Variants in SH2D4B observed in about 807,000 individuals in gnomAD.
The protein encoded by SH2D4B is SH2 domain-containing protein 4B.
SH2D4B carries 45 observed loss-of-function variants against 61.5 expected under a neutral mutation model. That is an observed-to-expected ratio of 0.73 (90% confidence interval 0.58 to 0.94). The LOEUF (loss-of-function observed/expected upper bound fraction) is 0.94, where lower values mean the gene tolerates loss of function less well. Ranked by LOEUF, SH2D4B falls within the 40% of genes least tolerant of loss-of-function variation. The pLI is 0.00. For missense variants in SH2D4B, 572 were observed against 574.2 expected (o/e 1.00, Z 0.04); for synonymous variants, 224 against 220.4 (o/e 1.02, Z -0.14).
At chr10:80,616,242 C>T (rs1182390041) in intron 6 of SH2D4B, among the ~76,000 whole-genome samples, 11 of 152,066 alleles carry the variant, frequency 7.2e-5, no homozygotes, top group Non-Finnish European at 1.2e-4. Context: ...TCATGGCAAG[C>T]GAGATTGCTA....
At chr10:80,604,721 A>G (rs534570127) in intron 5 of SH2D4B, among the ~76,000 whole-genome samples, 45 of 152,016 alleles carry the variant, frequency 3.0e-4, no homozygotes, top group Non-Finnish European at 3.2e-4. Context: ...GTATACTGAG[A>G]AATGGCTGAC....
intron 1 of SH2D4B, among the ~76,000 whole-genome samples, chr10:80,542,266 C>G (rs564888726): frequency 6.6e-6 from 1 of 152,204 alleles, no homozygotes; most frequent in African/African-American, 2.4e-5. Context: ...ACCCTGTGGA[C>G]TCCTCTCTGC....
At chr10:80,573,799 A>T (rs1193947350) in intron 3 of SH2D4B, among the ~76,000 whole-genome samples, 1 of 151,552 alleles carries the variant, frequency 6.6e-6, no homozygotes, top group Admixed American at 6.6e-5. Context: ...GGCTAATCTC[A>T]CCCATTTTTT....
intron 4 of SH2D4B, among the ~76,000 whole-genome samples, chr10:80,590,446 G>A (rs192161065): frequency 6.6e-6 from 1 of 152,148 alleles, no homozygotes; most frequent in Non-Finnish European, 1.5e-5. Context: ...AATCAGAAAG[G>A]CCTCAGATGT....
intron 2 of SH2D4B, among the ~76,000 whole-genome samples, chr10:80,571,157 G>A (rs528378787): frequency 6.6e-6 from 1 of 152,278 alleles, no homozygotes; most frequent in South Asian, 2.1e-4. Flanking sequence ...TTACAGGCAT[G>A]CACCACCATG....
intron 4 of SH2D4B, among the ~76,000 whole-genome samples, chr10:80,596,164 C>T (rs1015912281): frequency 5.9e-5 from 9 of 152,234 alleles, no homozygotes; most frequent in African/African-American, 1.4e-4. Context: ...AGCTCCTAGG[C>T]GATGCCTCAG....
intron 5 of SH2D4B, among the ~76,000 whole-genome samples, chr10:80,604,929 G>A (rs1842499798): frequency 6.6e-6 from 1 of 152,082 alleles, no homozygotes; most frequent in African/African-American, 2.4e-5. Flanking sequence ...AAGTAGCTGG[G>A]ACTATAGGTG....
intron 5 of SH2D4B, among the ~76,000 whole-genome samples, chr10:80,605,035 T>C (rs112659149): frequency 0.063 from 9,597 of 152,206 alleles, 1,039 homozygotes; most frequent in African/African-American, 0.22. Context: ...CCTTGTGATC[T>C]GCCCACCTCG....
At chr10:80,636,988 G>C (rs986250172) in intron 7 of SH2D4B, among the ~76,000 whole-genome samples, 2 of 152,192 alleles carry the variant, frequency 1.3e-5, no homozygotes, top group African/African-American at 4.8e-5. Flanking sequence ...AAGGGATCCA[G>C]TTTCAGCTTT....
intron 4 of SH2D4B, among the ~76,000 whole-genome samples, chr10:80,600,600 G>T (rs1194907522): frequency 2.0e-5 from 3 of 151,890 alleles, no homozygotes; most frequent in African/African-American, 7.3e-5. Context: ...AAGTAGGCAG[G>T]GCACTTCTCA....
chr10:80,542,443 G>T (rs552301172), intron 1 of SH2D4B, among the ~76,000 whole-genome samples: 45 of 149,642 alleles, frequency 3.0e-4, no homozygotes, highest in African/African-American at 1.0e-3. Context: ...TATTGCTCAG[G>T]CTGAAGTGCA....
At chr10:80,561,251 C>T (rs1285248022) in intron 1 of SH2D4B, among the ~76,000 whole-genome samples, 1 of 152,144 alleles carries the variant, frequency 6.6e-6, no homozygotes, top group Non-Finnish European at 1.5e-5. Context: ...AGAATTCATG[C>T]CAATGATAAA....
intron 3 of SH2D4B, among the ~76,000 whole-genome samples, chr10:80,579,756 A>C (rs1024264021): frequency 1.3e-5 from 2 of 152,136 alleles, no homozygotes; most frequent in Non-Finnish European, 2.9e-5. Context: ...CTCCTATACA[A>C]CTTTAGAAAC....
At chr10:80,562,270 C>G (rs1447302104) in intron 1 of SH2D4B, among the ~76,000 whole-genome samples, 1 of 152,166 alleles carries the variant, frequency 6.6e-6, no homozygotes, top group Admixed American at 6.5e-5. Context: ...AATAATACTC[C>G]ACTGTGTACA....
chr10:80,598,508 T>G (rs577889044), intron 4 of SH2D4B, among the ~76,000 whole-genome samples: 1 of 152,216 alleles, frequency 6.6e-6, no homozygotes, highest in African/African-American at 2.4e-5. Flanking sequence ...TGAGTTAAAC[T>G]CCAGAGCCTG....
chr10:80,588,773 A>G lies in SH2D4B; in HGVS notation c.639A>G (p.Glu213=), dbSNP rs751505272. 5.6e-6 allele frequency: 9 copies of G among 1,613,964 alleles called. No individual in the cohort carries two copies. In the Admixed American group the frequency reaches 1.5e-4, roughly 27 times the overall value. The change falls in exon 4 of 8, where the codon GAA becomes GAG. Residue 213 remains glutamate, a synonymous_variant. Coordinates refer to ENST00000646907, the MANE Select transcript of SH2D4B (RefSeq NM_001388272.1). ...AGAAAGAGGAGCGAGAGTGGGAAGA[A>G]CAGTGTGAGTAGAGCTTGTGCCTCA... is the stretch of plus-strand genomic sequence containing the variant. ...ASEKEEREWE[E]QLRRSKAADE...
intron 1 of SH2D4B, among the ~76,000 whole-genome samples, chr10:80,567,943 T>C (rs768516347): frequency 2.4e-4 from 36 of 152,208 alleles, no homozygotes; most frequent in African/African-American, 7.7e-4. Flanking sequence ...TTCGCTTCCA[T>C]GTCCCAGTAA....
intron 5 of SH2D4B, among the ~76,000 whole-genome samples, chr10:80,608,044 C>T (rs1237775029): frequency 1.3e-5 from 2 of 152,154 alleles, no homozygotes; most frequent in Non-Finnish European, 2.9e-5. Context: ...ATACAAGTGC[C>T]TGCCACCATG....
chr10:80,609,123 T>G (rs1589355831), intron 5 of SH2D4B, among the ~76,000 whole-genome samples: 1 of 152,192 alleles, frequency 6.6e-6, no homozygotes, highest in Non-Finnish European at 1.5e-5. Context: ...TGTGTGGCTG[T>G]TTTTTGAAGC....
Sources: gnomAD v4.1 joint callset for allele counts (sites outside exome capture counted in the v4.1 genomes callset) on GRCh38, gnomAD v4.1.1 for gene constraint, MANE v1.5 for transcripts, NCBI Gene and HGNC (gene_info 2026-07-23, HGNC 2026-07-21) for gene names.